WDR59: variants seen among roughly 807,000 people sequenced by gnomAD.
WDR59 encodes the protein GATOR2 complex protein WDR59.
Under a neutral mutation model 131.2 loss-of-function variants are expected in WDR59, and 100 were observed. The observed-to-expected ratio is 0.76, with a 90% CI of 0.65 to 0.90. The LOEUF (loss-of-function observed/expected upper bound fraction) is 0.90, where lower values mean the gene tolerates loss of function less well. WDR59 is among the 40% of genes least tolerant of loss of function. The pLI is 0.00. For synonymous variants in WDR59, 601 were observed against 466.2 expected, an observed-to-expected ratio of 1.29 and a Z score of -3.72; for missense variants, 1,203 against 1,262.2, an observed-to-expected ratio of 0.95 and a Z score of 0.71.
chr16:74,938,583 T>C (rs749878443), intron 7 of WDR59, among the ~76,000 whole-genome samples: 1 of 152,072 alleles, frequency 6.6e-6, no homozygotes, highest in Non-Finnish European at 1.5e-5. Context: ...GTCACCCAGG[T>C]TGGAGTGCAG....
At chr16:74,952,827 C>T (rs1014474778) in intron 3 of WDR59, among the ~76,000 whole-genome samples, 23 of 151,446 alleles carry the variant, frequency 1.5e-4, no homozygotes, top group Admixed American at 7.9e-4. Flanking sequence ...GACAGACAGA[C>T]GTATAAAATT....
At position 74,872,636 on chromosome 16, in the gene WDR59, A is replaced by G. The variant is rs909061609; in HGVS notation, c.*1573T>C. On this transcript the variant is annotated 3_prime_UTR_variant, in exon 26 of 26. Coordinates refer to ENST00000262144, the MANE Select transcript of WDR59 (RefSeq NM_030581.4). ...TGAAGAATTGGTGGACACAGATGTT[A>G]TAACTACTCAGAACACAGGCAAACA... The G allele has an allele frequency of 6.6e-6, 1 of 152,140 alleles. No individual in the cohort carries two copies. The highest frequency in any genetic ancestry group is 2.4e-5 in the African/African-American group (1 of 41,426). The allele number at this position is 152,140 out of a possible 1,614,324, so 9.4% of individuals were successfully genotyped here. A position where few individuals can be genotyped will look rare whatever the true frequency, so the allele number is the denominator to read the frequency against.
At chr16:74,909,149 C>T (rs35509388) in intron 16 of WDR59, among the ~76,000 whole-genome samples, 172 bp from the exon 17 acceptor site, 53,982 of 151,784 alleles carry the variant, frequency 0.36, 9,596 homozygotes, top group African/African-American at 0.39. Context: ...CAAAGGTCAG[C>T]GCTCCAGGAT....
chr16:74,965,952 C>T (rs1348323668), intron 1 of WDR59, 130 bp from the exon 2 acceptor site: 2 of 824,094 alleles, frequency 2.4e-6, no homozygotes, highest in Non-Finnish European at 2.0e-6. Context: ...TAGTTCTCTA[C>T]AGTGGATGCT....
chr16:74,954,762 AT>A (rs976942838), intron 3 of WDR59, among the ~76,000 whole-genome samples: 1 of 152,222 alleles, frequency 6.6e-6, no homozygotes, highest in African/African-American at 2.4e-5. Context: ...CAATTACACA[AT>A]GGAATATTAT....
chr16:74,910,049 C>T, intron 14 of WDR59, 132 bp from the exon 15 acceptor site: 1 of 685,986 alleles, frequency 1.5e-6, no homozygotes, highest in Non-Finnish European at 2.3e-6. Flanking sequence ...CTCATTGCAA[C>T]CTCTGCCTCC....
At chr16:74,949,611 G>T in intron 5 of WDR59, 107 bp downstream of exon 5, 1 of 883,830 alleles carries the variant, frequency 1.1e-6, no homozygotes, top group Non-Finnish European at 1.8e-6. Context: ...ACTCAAACTT[G>T]TCTCGAGGTC....
intron 18 of WDR59, among the ~76,000 whole-genome samples, chr16:74,894,934 T>G (rs72798621): frequency 0.21 from 32,167 of 152,196 alleles, 3,756 homozygotes; most frequent in Non-Finnish European, 0.26. Context: ...GTAACTATTA[T>G]GAATGTATAT....
At chr16:74,975,536 C>T (rs910396638) in intron 1 of WDR59, among the ~76,000 whole-genome samples, 1 of 151,630 alleles carries the variant, frequency 6.6e-6, no homozygotes, top group Non-Finnish European at 1.5e-5. Flanking sequence ...TGATGGCAGG[C>T]GCCTGTAATC....
In WDR59 at chr16:74,897,040, A is replaced by C. The variant is rs147609605; in HGVS notation, c.1867-3228T>G. Among the ~76,000 whole-genome samples, 276 of 152,356 alleles carry C rather than the reference A, an allele frequency of 1.8e-3. 2 individuals are homozygous for C. The highest frequency in any genetic ancestry group is 6.2e-3 in the African/African-American group (258 of 41,598). ...ATTAAAAACTAATAAATAAATTCTA[A>C]GCTCCCTGTTAATATGGAAATTGCT... On this transcript the variant is annotated intron_variant, in intron 18 of 25. Coordinates refer to ENST00000262144, the MANE Select transcript of WDR59 (RefSeq NM_030581.4).
At chr16:74,890,154 T>G (rs72798616) in intron 20 of WDR59, among the ~76,000 whole-genome samples, 13,255 of 152,286 alleles carry the variant, frequency 0.087, 716 homozygotes, top group South Asian at 0.12. Flanking sequence ...ACTTTTTATT[T>G]TATTTTACTT....
intron 1 of WDR59, among the ~76,000 whole-genome samples, chr16:74,971,678 C>G (rs1298486261): frequency 6.6e-6 from 1 of 152,058 alleles, no homozygotes; most frequent in Non-Finnish European, 1.5e-5. Context: ...AGTGATCCAC[C>G]TGCCTGGGCC....
intron 20 of WDR59, among the ~76,000 whole-genome samples, chr16:74,890,222 C>T (rs954957875): frequency 1.3e-5 from 2 of 152,216 alleles, no homozygotes; most frequent in Non-Finnish European, 2.9e-5. Context: ...ACAATCACAG[C>T]TCACTGCCAC....
In WDR59 at chr16:74,885,801, T is replaced by A; in HGVS notation, c.2547-6A>T. 3.7e-6 allele frequency: 6 copies of A among 1,609,146 alleles called. No homozygotes were observed. The highest frequency in any genetic ancestry group is 2.2e-5 in the South Asian group (2 of 90,254). Reference sequence around the variant, plus strand: ...TATTGGCGGGGTCCAGGAGCCTGGATAAAGTTAAAAAGATTTCCTGTCAGT... The same window carrying A: ...TATTGGCGGGGTCCAGGAGCCTGGAAAAAGTTAAAAAGATTTCCTGTCAGT... On this transcript the variant is annotated splice_region_variant and splice_polypyrimidine_tract_variant and intron_variant, in intron 24 of 25. Coordinates refer to ENST00000262144, the MANE Select transcript of WDR59 (RefSeq NM_030581.4).
intron 1 of WDR59, among the ~76,000 whole-genome samples, chr16:74,974,659 C>T (rs1043044872): frequency 2.0e-5 from 3 of 152,068 alleles, no homozygotes; most frequent in Non-Finnish European, 4.4e-5. Flanking sequence ...TATGTACAAA[C>T]GACGTAGTTT....
intron 25 of WDR59, among the ~76,000 whole-genome samples, chr16:74,882,623 T>C (rs1964541381): frequency 1.3e-5 from 2 of 151,308 alleles, no homozygotes; most frequent in African/African-American, 4.9e-5. Flanking sequence ...TAAAAATTCC[T>C]ATTAATTGTA....
chr16:74,964,754 C>A (rs950517385), intron 2 of WDR59, among the ~76,000 whole-genome samples: 1 of 151,340 alleles, frequency 6.6e-6, no homozygotes, highest in African/African-American at 2.4e-5. Context: ...CCATGACCAT[C>A]AAAAAAAAAT....
At chr16:74,950,455 C>A (rs1449475543) in intron 4 of WDR59, among the ~76,000 whole-genome samples, 1 of 152,146 alleles carries the variant, frequency 6.6e-6, no homozygotes, top group African/African-American at 2.4e-5. Context: ...TTGGGTAAAC[C>A]CAACATCCTT....
chr16:74,903,905 G>A, intron 18 of WDR59, 42 bp downstream of exon 18: 2 of 1,576,352 alleles, frequency 1.3e-6, no homozygotes, highest in Non-Finnish European at 1.7e-6. Flanking sequence ...CAAGAATCCA[G>A]GAGAAGGGGT....
Sources: allele counts gnomAD v4.1 joint callset (sites outside exome capture counted in the v4.1 genomes callset), GRCh38; gene constraint gnomAD v4.1.1; transcripts MANE v1.5; gene names NCBI Gene and HGNC (gene_info 2026-07-23, HGNC 2026-07-21).